WAC: variants seen among roughly 807,000 people sequenced by gnomAD.
WAC encodes WW domain-containing adapter protein with coiled-coil.
In WAC, 11 loss-of-function variants were observed where a neutral mutation model predicts 79.6. The ratio of observed to expected loss-of-function variants is 0.14; its 90% CI spans 0.09 to 0.23. The LOEUF (loss-of-function observed/expected upper bound fraction) is 0.23, where lower values mean the gene tolerates loss of function less well. Ranked by LOEUF, WAC falls within the 10% of genes least tolerant of loss-of-function variation. WAC has a pLI of 1.00. For missense variants in WAC, 728 were observed against 773.5 expected, an observed-to-expected ratio of 0.94 and a Z score of 0.70; for synonymous variants, 304 against 276.9, an observed-to-expected ratio of 1.10 and a Z score of -0.97.
chr10:28,554,674 C>A (rs1487969357), intron 3 of WAC, among the ~76,000 whole-genome samples: 1 of 152,206 alleles, frequency 6.6e-6, no homozygotes, highest in Non-Finnish European at 1.5e-5. Flanking sequence ...AAGAAAAGCA[C>A]ACTTGCTTGT....
At chr10:28,566,032 T>G (rs551858813) in intron 3 of WAC, among the ~76,000 whole-genome samples, 2 of 152,266 alleles carry the variant, frequency 1.3e-5, no homozygotes, top group Admixed American at 6.5e-5. Flanking sequence ...AAAAAAAAAT[T>G]AGAGTAAAAT....
intron 13 of WAC, among the ~76,000 whole-genome samples, chr10:28,618,991 A>G (rs975977036): frequency 6.6e-6 from 1 of 152,244 alleles, no homozygotes; most frequent in African/African-American, 2.4e-5. Flanking sequence ...AGAAATTGTT[A>G]GAAAAGGCTG....
chr10:28,585,330 C>CT, intron 4 of WAC, among the ~76,000 whole-genome samples: 1 of 152,120 alleles, frequency 6.6e-6, no homozygotes, highest in East Asian at 1.9e-4. Flanking sequence ...CTGGTAACAA[C>CT]GGCGGCTGCT....
chr10:28,614,446 G>T (rs996427965), intron 10 of WAC, 121 bp from the exon 11 acceptor site: 32 of 607,882 alleles, frequency 5.3e-5, no homozygotes, highest in Non-Finnish European at 8.4e-5. Context: ...ACAAAGAAAT[G>T]AGATCTAAGT....
intron 3 of WAC, 76 bp from the exon 4 acceptor site, chr10:28,583,323 G>A (rs1373883194): frequency 1.1e-5 from 12 of 1,052,710 alleles, no homozygotes; most frequent in Admixed American, 2.6e-5. Context: ...ATAATATCTA[G>A]TATGATAGAA....
intron 6 of WAC, among the ~76,000 whole-genome samples, chr10:28,592,783 T>TC (rs1840163449): frequency 6.6e-6 from 1 of 152,272 alleles, no homozygotes; most frequent in Non-Finnish European, 1.5e-5. Flanking sequence ...TACTTTTTTT[T>TC]CTGTATGCAT....
In WAC at chr10:28,576,600, G is replaced by T. The variant is rs75646085; in HGVS notation, c.275-6799G>T. The stretch of plus-strand genomic sequence containing the variant: ...AGTTTTATACAGTACAATTTGCATA[G>T]CAGCTGTATTCCTGGAAAATTTAGC... On this transcript the variant is annotated intron_variant, in intron 3 of 13. Transcript: ENST00000354911. 6.7e-3 allele frequency among the ~76,000 whole-genome samples: 1,018 copies of T among 152,288 alleles called. 11 individuals are homozygous for T. Among genetic ancestry groups the T allele is most frequent in the African/African-American group, 0.024 (986 of 41,560 alleles).
chr10:28,576,017 T>C (rs1378973772), intron 3 of WAC, among the ~76,000 whole-genome samples: 1 of 152,212 alleles, frequency 6.6e-6, no homozygotes, highest in Non-Finnish European at 1.5e-5. Context: ...ATTTATAGCC[T>C]AGGAGCAATA....
intron 3 of WAC, among the ~76,000 whole-genome samples, chr10:28,571,083 G>C (rs182748522): frequency 7.3e-4 from 108 of 147,484 alleles, no homozygotes; most frequent in African/African-American, 2.6e-3. Flanking sequence ...TGGCCTCTTC[G>C]AGTAGCTGGG....
chr10:28,554,299 T>G (rs1054116824), intron 3 of WAC, among the ~76,000 whole-genome samples: 9 of 152,200 alleles, frequency 5.9e-5, no homozygotes, highest in African/African-American at 2.2e-4. Context: ...CTCCCATGGA[T>G]ACTGAGACAT....
At chr10:28,576,492 G>C (rs1243839335) in intron 3 of WAC, among the ~76,000 whole-genome samples, 1 of 152,148 alleles carries the variant, frequency 6.6e-6, no homozygotes, top group Non-Finnish European at 1.5e-5. Context: ...ATTTTTCCAA[G>C]TAGTGAACAT....
chr10:28,613,895 C>T (rs1841358150), intron 10 of WAC, among the ~76,000 whole-genome samples: 1 of 152,182 alleles, frequency 6.6e-6, no homozygotes, highest in Non-Finnish European at 1.5e-5. Flanking sequence ...AGTAACATCT[C>T]TTTGAAAAAC....
At position 28,589,920 on chromosome 10, in the gene WAC, A is replaced by G. The variant is rs181341291; in HGVS notation, c.497+69A>G. 10,565 of 1,160,558 alleles carry G rather than the reference A, an allele frequency of 9.1e-3. 74 individuals are homozygous for G. The highest frequency in any genetic ancestry group is 0.011 in the Non-Finnish European group (8,359 of 785,956). 71.9% of individuals were successfully genotyped at this position (1,160,558 alleles called of 1,614,324 possible). A position where few individuals can be genotyped will look rare whatever the true frequency, so the allele number is the denominator to read the frequency against. On this transcript the variant is annotated intron_variant, in intron 5 of 13. Transcript: ENST00000354911. Reference sequence around the variant, plus strand: ...GTTCTACTGGTTAACATCTTACAGCATTAAACATTCTAATTTAGCTTTTTT... The same window carrying G: ...GTTCTACTGGTTAACATCTTACAGCGTTAAACATTCTAATTTAGCTTTTTT...
chr10:28,597,437 C>T (rs1317277388), intron 7 of WAC, among the ~76,000 whole-genome samples: 1 of 152,160 alleles, frequency 6.6e-6, no homozygotes, highest in African/African-American at 2.4e-5. Context: ...TCCCATGTCA[C>T]CTTTGTACAT....
intron 3 of WAC, among the ~76,000 whole-genome samples, chr10:28,543,478 T>A (rs1283379739): frequency 6.6e-6 from 1 of 152,272 alleles, no homozygotes; most frequent in South Asian, 2.1e-4. Flanking sequence ...CAAGCCACAT[T>A]TCATGTGTTT....
chr10:28,619,732 G>A lies in WAC; in HGVS notation c.*126G>A, dbSNP rs1841624718. On this transcript the variant is annotated 3_prime_UTR_variant, in exon 14 of 14. Transcript: ENST00000354911. ...AGCTGGGCAAAGGAAATGACAAGGGGACGGGGTCTGTGAGAGTCAATTCAG... is the reference window on the plus strand; with the variant it reads ...AGCTGGGCAAAGGAAATGACAAGGGAACGGGGTCTGTGAGAGTCAATTCAG... 7.4e-6 allele frequency: 5 copies of A among 671,866 alleles called. No individual in the cohort carries two copies. In the East Asian group the frequency reaches 1.6e-4, roughly 22 times the overall value. The allele number at this position is 671,866 out of a possible 1,614,324, so 41.6% of individuals were successfully genotyped here. A position where few individuals can be genotyped will look rare whatever the true frequency, so the allele number is the denominator to read the frequency against.
At chr10:28,542,394 A>G (rs1196114664) in intron 3 of WAC, among the ~76,000 whole-genome samples, 1 of 152,250 alleles carries the variant, frequency 6.6e-6, no homozygotes, top group Non-Finnish European at 1.5e-5. Context: ...GCACCAGACC[A>G]ATTTATGGGG....
intron 3 of WAC, among the ~76,000 whole-genome samples, chr10:28,540,930 T>G (rs1836978280): frequency 6.6e-6 from 1 of 152,222 alleles, no homozygotes; most frequent in Admixed American, 6.5e-5. Context: ...TCTGTGCATG[T>G]AAATTGTTAA....
rs897437607 is a variant in WAC, at chr10:28,538,741, A to T, written c.274+2984A>T. On this transcript the variant is annotated intron_variant, in intron 3 of 13. Coordinates refer to ENST00000354911, the MANE Select transcript of WAC (RefSeq NM_016628.5). ...CCTGTGTCTACTAAAAAAAAAAAAA[A>T]TTTTTTTTTTGATTAGCTGGGTGTG... 1.5e-3 allele frequency among the ~76,000 whole-genome samples: 225 copies of T among 148,078 alleles called. 1 individual carries two copies. The highest frequency in any genetic ancestry group is 4.5e-3 in the African/African-American group (183 of 40,364).
Sources: allele counts gnomAD v4.1 joint callset (sites outside exome capture counted in the v4.1 genomes callset), GRCh38; gene constraint gnomAD v4.1.1; transcripts MANE v1.5; gene names NCBI Gene and HGNC (gene_info 2026-07-23, HGNC 2026-07-21).